The following AHI1 variants were observed in gnomAD, a reference collection of about 807,000 sequenced individuals.
AHI1 encodes the protein Abelson helper integration site 1.
In AHI1, 123 loss-of-function variants were observed where a neutral mutation model predicts 149.3. The observed-to-expected ratio is 0.82, with a 90% confidence interval of 0.71 to 0.96. AHI1 has a LOEUF of 0.96. AHI1 is among the 40% of genes least tolerant of loss of function. AHI1 has a pLI of 0.00. For missense variants in AHI1, 1,439 were observed against 1,422.7 expected, an observed-to-expected ratio of 1.01 and a Z score of -0.18; for synonymous variants, 475 against 459.8, an observed-to-expected ratio of 1.03 and a Z score of -0.42.
chr6:135,403,962 C>A (rs764407175), intron 22 of AHI1, among the ~76,000 whole-genome samples: 6 of 151,266 alleles, frequency 4.0e-5, no homozygotes, highest in African/African-American at 7.3e-5. Flanking sequence ...ATCAGGAAAG[C>A]GACAATAGCC....
chr6:135,472,041 A>G (rs1791820719), intron 5 of AHI1, among the ~76,000 whole-genome samples: 1 of 149,814 alleles, frequency 6.7e-6, no homozygotes, highest in African/African-American at 2.4e-5. Context: ...AAAAAAAAAA[A>G]AAAAAAAAGA....
chr6:135,285,793 A>G, intron 28 of AHI1, 146 bp from the exon 29 acceptor site: 2 of 654,540 alleles, frequency 3.1e-6, no homozygotes, highest in South Asian at 4.0e-5. Context: ...ACTAAAAAAG[A>G]CCAAAATACT....
intron 21 of AHI1, among the ~76,000 whole-genome samples, chr6:135,407,521 T>C (rs139105487): frequency 0.013 from 2,055 of 152,292 alleles, 18 homozygotes; most frequent in Middle Eastern, 0.027. Flanking sequence ...GGAAAAATAA[T>C]GGTTTTTAAA....
At position 135,467,768 on chromosome 6, in the gene AHI1, A is replaced by G. The variant is rs1414949314; in HGVS notation, c.136-134T>C. On this transcript the variant is annotated intron_variant, in intron 5 of 28. Transcript: ENST00000265602. ...TTTTTTACCTGGACATAGTGATACT[A>G]TCTTAGAGCATTTGATGAGTACTCT... 3.8e-5 allele frequency: 21 copies of G among 555,714 alleles called. No homozygotes were observed. The Admixed American group carries it at 7.3e-4, about 19-fold the overall frequency. 34.4% of individuals were successfully genotyped at this position (555,714 alleles called of 1,614,324 possible). A position where few individuals can be genotyped will look rare whatever the true frequency, so the allele number is the denominator to read the frequency against.
chr6:135,496,109 A>C (rs572545350), intron 2 of AHI1, among the ~76,000 whole-genome samples: 1 of 152,128 alleles, frequency 6.6e-6, no homozygotes, highest in Non-Finnish European at 1.5e-5. Flanking sequence ...TACAGTACAG[A>C]AATCATCTCT....
chr6:135,398,055 GAT>G (rs1779479424), intron 22 of AHI1, among the ~76,000 whole-genome samples: 1 of 116,776 alleles, frequency 8.6e-6, no homozygotes, highest in African/African-American at 3.3e-5. Context: ...TAATACCCAG[GAT>G]GTTTTTTTTT....
At chr6:135,314,191 G>A (rs770443824) in intron 26 of AHI1, among the ~76,000 whole-genome samples, 54 of 152,196 alleles carry the variant, frequency 3.5e-4, no homozygotes, top group Non-Finnish European at 6.8e-4. Flanking sequence ...CAACAAGATG[G>A]TTGTTAGGAG....
chr6:135,409,964 A>G (rs1781351045), intron 21 of AHI1, among the ~76,000 whole-genome samples: 1 of 152,188 alleles, frequency 6.6e-6, no homozygotes, highest in Non-Finnish European at 1.5e-5. Flanking sequence ...TTCTCTCATT[A>G]TCAACAATAA....
In AHI1 at chr6:135,448,400, G is replaced by C. The variant is rs371637724; in HGVS notation, c.1516C>G (p.Arg506Gly). 3 of 1,605,336 alleles carry C rather than the reference G, an allele frequency of 1.9e-6. No individual in the cohort carries two copies. Among genetic ancestry groups the C allele is most frequent in the Non-Finnish European group, 2.6e-6 (3 of 1,174,388 alleles). Residue 506 changes from arginine to glycine, a missense_variant, in exon 12 of 29, where the codon CGA becomes GGA. Coordinates refer to ENST00000265602, the MANE Select transcript of AHI1 (RefSeq NM_001134831.2). ...GCCTCAACAACACTTAATGGGGATC[G>C]AGGCTTAGTAGGTGGGTAATATAGC... Reference protein sequence around the residue: ...LQLYYPPTKPRSPLSVVEAFE... With the variant: ...LQLYYPPTKPGSPLSVVEAFE...
intron 20 of AHI1, among the ~76,000 whole-genome samples, chr6:135,412,762 A>C (rs1377030443): frequency 6.6e-6 from 1 of 152,232 alleles, no homozygotes; most frequent in East Asian, 1.9e-4. Flanking sequence ...TGAAATGGAA[A>C]GCCTTCCTAA....
At chr6:135,430,269 C>T (rs1328607317) in intron 17 of AHI1, among the ~76,000 whole-genome samples, 1 of 151,832 alleles carries the variant, frequency 6.6e-6, no homozygotes, top group African/African-American at 2.4e-5. Context: ...TTTGGTCAGT[C>T]CCAAACAAGA....
intron 4 of AHI1, 74 bp downstream of exon 4, chr6:135,492,154 C>G: frequency 1.7e-6 from 2 of 1,161,426 alleles, no homozygotes; most frequent in Non-Finnish European, 2.4e-6. Context: ...TTCAAGAATC[C>G]CTTAAAATAA....
At chr6:135,286,289 A>G (rs921675663) in intron 28 of AHI1, 1 of 152,440 alleles carries the variant, frequency 6.6e-6, no homozygotes, top group Non-Finnish European at 1.5e-5. Flanking sequence ...TTGCTTCCTT[A>G]GACAGCATGT....
chr6:135,297,396 G>A (rs1477033343), intron 27 of AHI1: 2 of 454,854 alleles, frequency 4.4e-6, no homozygotes, highest in African/African-American at 4.0e-5. Flanking sequence ...ACATCCAAAT[G>A]CCCTCCCATG....
intron 23 of AHI1, among the ~76,000 whole-genome samples, chr6:135,372,960 A>G (rs937024006): frequency 1.3e-5 from 2 of 152,194 alleles, no homozygotes; most frequent in African/African-American, 4.8e-5. Context: ...GTCTTCAAGA[A>G]TTGACTCAAA....
At position 135,466,302 on chromosome 6, in the gene AHI1, A is replaced by G. The variant is rs765280461; in HGVS notation, c.261T>C (p.Thr87=). The G allele has an allele frequency of 1.9e-6, 3 of 1,613,914 alleles. No homozygotes were observed. The South Asian group carries it at 3.3e-5, about 18-fold the overall frequency. The stretch of plus-strand genomic sequence containing the variant: ...CTCTCGTGCTCTTCTTCAGGTTGTT[A>G]GTGTTAGCAGCACTTACATCATCAC... ...TTSDDVSAAN[T]NNLKKSTRVT... is the part of the protein sequence containing the mutation. Residue 87 remains threonine (T), a synonymous_variant, in exon 7 of 29, where the codon ACT becomes ACC. Coordinates refer to ENST00000265602, the MANE Select transcript of AHI1 (RefSeq NM_001134831.2).
At chr6:135,373,124 T>A (rs1028159935) in intron 23 of AHI1, among the ~76,000 whole-genome samples, 1 of 152,262 alleles carries the variant, frequency 6.6e-6, no homozygotes, top group Non-Finnish European at 1.5e-5. Context: ...GTTCCTAAAC[T>A]TAGTGCAAAA....
chr6:135,364,164 C>T (rs544981505), intron 23 of AHI1, among the ~76,000 whole-genome samples: 22 of 152,002 alleles, frequency 1.4e-4, no homozygotes, highest in African/African-American at 4.8e-4. Context: ...AGGGGCTCCT[C>T]ACTTCTCAGA....
chr6:135,404,658 T>C (rs1250505525), intron 22 of AHI1, among the ~76,000 whole-genome samples: 4 of 152,242 alleles, frequency 2.6e-5, no homozygotes, highest in South Asian at 2.1e-4. Context: ...TTAAATATCA[T>C]ATAAAATTTT....
Sources: gnomAD v4.1 joint callset for allele counts (sites outside exome capture counted in the v4.1 genomes callset) on GRCh38, gnomAD v4.1.1 for gene constraint, MANE v1.5 for transcripts, NCBI Gene and HGNC (gene_info 2026-07-23, HGNC 2026-07-21) for gene names.